The following PCLO variants were observed in gnomAD, a reference collection of about 807,000 sequenced individuals.
PCLO encodes the protein piccolo presynaptic cytomatrix protein.
Under a neutral mutation model 427.5 loss-of-function variants are expected in PCLO, and 82 were observed. The observed-to-expected ratio is 0.19, with a 90% CI of 0.16 to 0.23. The LOEUF is 0.23. PCLO is among the 10% of genes least tolerant of loss of function. PCLO has a pLI of 1.00. For missense variants in PCLO, 6,239 were observed against 6,115.9 expected (o/e 1.02, Z -0.67); for synonymous variants, 2,357 against 2,155.4 (o/e 1.09, Z -2.59).
intron 4 of PCLO, among the ~76,000 whole-genome samples, chr7:82,957,490 C>A (rs1353553555): frequency 6.6e-6 from 1 of 152,058 alleles, no homozygotes; most frequent in Non-Finnish European, 1.5e-5. Flanking sequence ...TCATTCTTGT[C>A]AAATGATTCA....
At chr7:82,898,536 A>G (rs1009377338) in intron 9 of PCLO, among the ~76,000 whole-genome samples, 1 of 151,460 alleles carries the variant, frequency 6.6e-6, no homozygotes, top group African/African-American at 2.4e-5. Context: ...TTTACTATCA[A>G]TAGGTTTATG....
In PCLO at chr7:82,760,641, G is replaced by T; in HGVS notation, c.15286C>A (p.Gln5096Lys). 6.3e-7 allele frequency: 1 copy of T among 1,586,176 alleles called. No homozygotes were observed. The highest frequency in any genetic ancestry group is 8.6e-7 in the Non-Finnish European group (1 of 1,168,058). The stretch of plus-strand genomic sequence containing the variant: ...TGAACTACATAATACAGAGCTACCT[G>T]AAGAGAATGTCCTGCAGGACTTAGA... ...FSLSPAGHSL[Q>K]ILLFSNGGKF... Residue 5096 changes from glutamine to lysine, a missense_variant and splice_region_variant, in exon 24 of 25, where the codon CAG becomes AAG. Coordinates refer to ENST00000333891, the MANE Select transcript of PCLO (RefSeq NM_033026.6).
chr7:83,015,633 C>G (rs529647778), intron 3 of PCLO, among the ~76,000 whole-genome samples: 1 of 152,130 alleles, frequency 6.6e-6, no homozygotes, highest in African/African-American at 2.4e-5. Flanking sequence ...ATCATTACAA[C>G]TTTTTATTGT....
chr7:82,802,502 C>G (rs1791375746), intron 21 of PCLO, among the ~76,000 whole-genome samples: 1 of 152,098 alleles, frequency 6.6e-6, no homozygotes, highest in Non-Finnish European at 1.5e-5. Flanking sequence ...AGCTAAAGGA[C>G]AGTAGACCAC....
chr7:83,125,342 G>T (rs1584056908), intron 3 of PCLO, among the ~76,000 whole-genome samples: 2 of 152,256 alleles, frequency 1.3e-5, no homozygotes, highest in African/African-American at 4.8e-5. Flanking sequence ...CGCCCCATCT[G>T]GGAAGTGGGG....
chr7:83,155,924 T>C lies in PCLO; in HGVS notation c.717A>G (p.Ile239Met). 1 of 1,613,882 alleles carries C rather than the reference T, an allele frequency of 6.2e-7. No homozygotes were observed. The highest frequency in any genetic ancestry group is 1.3e-5 in the African/African-American group (1 of 75,012). ...TAATTTTTTCTGGTTGTTGAGAAGA[T>C]ATTGATTTGGGAGTGCCATCCTGCT... is the stretch of plus-strand genomic sequence containing the variant. ...PLQQDGTPKS[I>M]SSQQPEKIKS... Residue 239 changes from isoleucine to methionine, a missense_variant, in exon 2 of 25, where the codon ATA becomes ATG. By Grantham distance (10) the Ile-to-Met change is conservative. Around this residue, in one of 5 missense-constraint regions of PCLO, gnomAD observed 4,677 missense variants for 4,468.4 expected, o/e 1.05. Transcript: ENST00000333891.
intron 4 of PCLO, among the ~76,000 whole-genome samples, chr7:82,961,532 T>C (rs1452207594): frequency 6.6e-6 from 1 of 152,240 alleles, no homozygotes. Flanking sequence ...GCACATACCC[T>C]GGAAGCTATC....
intron 3 of PCLO, among the ~76,000 whole-genome samples, chr7:83,107,759 G>A (rs1790897190): frequency 6.9e-6 from 1 of 144,098 alleles, no homozygotes; most frequent in African/African-American, 2.5e-5. Flanking sequence ...GGGAGGCCAA[G>A]GGGGGCAGAT....
intron 22 of PCLO, among the ~76,000 whole-genome samples, chr7:82,766,050 C>G (rs918773672): frequency 1.3e-5 from 2 of 152,000 alleles, no homozygotes; most frequent in South Asian, 4.1e-4. Flanking sequence ...TTGAGTACAA[C>G]AGATATCACA....
rs773729844 is a variant in PCLO at position 82,954,778 on chromosome 7, G to A, written c.6175C>T (p.Leu2059=). 6 of 1,613,756 alleles carry A rather than the reference G, an allele frequency of 3.7e-6. No homozygotes were observed. The East Asian group carries it at 6.7e-5, about 18-fold the overall frequency. The change falls in exon 5 of 25, where the codon CTA becomes TTA. Residue 2059 remains leucine (L), a synonymous_variant. Transcript: ENST00000333891. ...VTSTEEERKL[L]DADAAYEELM... Reference sequence around the variant, plus strand: ...TCTTCATAGGCAGCATCAGCATCTAGTAGTTTCCTTTCTTCTTCTGTAGAA... The same window carrying A: ...TCTTCATAGGCAGCATCAGCATCTAATAGTTTCCTTTCTTCTTCTGTAGAA...
At position 82,953,306 on chromosome 7, in the gene PCLO, T is replaced by C. The variant is rs755467556; in HGVS notation, c.7647A>G (p.Ser2549=). The C allele has an allele frequency of 2.5e-6, 4 of 1,613,746 alleles. No individual in the cohort carries two copies. The East Asian group carries it at 6.7e-5, about 27-fold the overall frequency. Residue 2549 remains serine (S), a synonymous_variant, in exon 5 of 25, where the codon TCA becomes TCG. Coordinates refer to ENST00000333891, the MANE Select transcript of PCLO (RefSeq NM_033026.6). ...TSSMTLNLVT[S]ADYKLPSPTS... ...TAGGGGAAGGCAATTTATAATCTGCTGAAGTCACTAAATTTAAGGTCATAC... is the reference window on the plus strand; with the variant it reads ...TAGGGGAAGGCAATTTATAATCTGCCGAAGTCACTAAATTTAAGGTCATAC...
chr7:83,043,044 G>T (rs1007651611), intron 3 of PCLO, among the ~76,000 whole-genome samples: 1 of 152,174 alleles, frequency 6.6e-6, no homozygotes, highest in Non-Finnish European at 1.5e-5. Flanking sequence ...GTTGCAGACG[G>T]ACTGTGCTGT....
intron 6 of PCLO, among the ~76,000 whole-genome samples, chr7:82,940,063 T>G (rs1382967104): frequency 1.3e-5 from 2 of 152,132 alleles, no homozygotes; most frequent in Non-Finnish European, 2.9e-5. Context: ...ACTTTTCCTT[T>G]CAATTCTCAG....
intron 3 of PCLO, among the ~76,000 whole-genome samples, chr7:83,075,439 C>T (rs182449917): frequency 1.0e-3 from 154 of 152,120 alleles, no homozygotes; most frequent in African/African-American, 3.5e-3. Context: ...CCCAAAGAAA[C>T]CTGAATTCTA....
chr7:82,940,379 G>A (rs6467918), intron 6 of PCLO, among the ~76,000 whole-genome samples: 90,618 of 151,780 alleles, frequency 0.6, 27,988 homozygotes, highest in East Asian at 0.8. Flanking sequence ...ACTCCTTGAT[G>A]AAGTTTTTGA....
At chr7:82,877,942 C>T (rs1793414367) in intron 10 of PCLO, among the ~76,000 whole-genome samples, 1 of 152,048 alleles carries the variant, frequency 6.6e-6, no homozygotes, top group Admixed American at 6.6e-5. Flanking sequence ...AAAGTGCCTC[C>T]CAAAGTGGGA....
At position 82,760,773 on chromosome 7, in the gene PCLO, T is replaced by A; in HGVS notation, c.15154A>T (p.Lys5052Ter). Residue 5052 changes from lysine (K) to a stop codon, truncating the protein, a stop_gained, in exon 24 of 25, where the codon AAA (lysine) becomes TAA (stop). Coordinates refer to ENST00000333891, the MANE Select transcript of PCLO (RefSeq NM_033026.6). LOFTEE classifies it high-confidence loss of function. ...GTAGAAATATTCATCACATATATTTTCACATATAAATCTGAAAATAAGAAT... is the reference window on the plus strand; with the variant it reads ...GTAGAAATATTCATCACATATATTTACACATATAAATCTGAAAATAAGAAT... ...SPDHLPDLYV[K>*]IYVMNISTQK... 1 of 1,452,700 alleles carries A rather than the reference T, an allele frequency of 6.9e-7. No homozygotes were observed. Among genetic ancestry groups the A allele is most frequent in the Non-Finnish European group, 9.5e-7 (1 of 1,051,766 alleles). 90.0% of individuals were successfully genotyped at this position (1,452,700 alleles called of 1,614,324 possible). A position where few individuals can be genotyped will look rare whatever the true frequency, so the allele number is the denominator to read the frequency against.
chr7:82,798,598 T>G (rs915592464), intron 22 of PCLO, among the ~76,000 whole-genome samples: 1 of 152,228 alleles, frequency 6.6e-6, no homozygotes, highest in Non-Finnish European at 1.5e-5. Context: ...ACATTCTTAA[T>G]CATTTTCTCC....
At chr7:82,761,324 C>G in intron 23 of PCLO, 35 bp downstream of exon 23, 1 of 1,224,958 alleles carries the variant, frequency 8.2e-7, no homozygotes, top group Non-Finnish European at 1.1e-6. Flanking sequence ...CTAAAAAAAT[C>G]TAGATATATT....
Sources: gnomAD v4.1 joint callset for allele counts (sites outside exome capture counted in the v4.1 genomes callset) on GRCh38, gnomAD v4.1.1 for gene constraint, gnomAD v4.1.1 regional missense constraint, MANE v1.5 for transcripts, NCBI Gene and HGNC (gene_info 2026-07-23, HGNC 2026-07-21) for gene names.